Variants in TAFA1 observed in about 807,000 individuals in gnomAD.
TAFA1 encodes chemokine-like protein TAFA-1.
In TAFA1, 4 loss-of-function variants were observed where a neutral mutation model predicts 18.5. The ratio of observed to expected loss-of-function variants is 0.22; its 90% CI spans 0.11 to 0.49. The LOEUF (loss-of-function observed/expected upper bound fraction) is 0.49. Ranked by LOEUF, TAFA1 falls within the 20% of genes least tolerant of loss-of-function variation. The probability of loss-of-function intolerance (pLI) is 0.98; values close to 1 mark genes in which losing one functional copy is unlikely to be tolerated. For synonymous variants in TAFA1, 56 were observed against 55.2 expected (o/e 1.01, Z -0.06); for missense variants, 147 against 169.0 (o/e 0.87, Z 0.72).
At chr3:68,196,493 G>A (rs1389028947) in intron 2 of TAFA1, among the ~76,000 whole-genome samples, 1 of 151,684 alleles carries the variant, frequency 6.6e-6, no homozygotes, top group African/African-American at 2.4e-5. Context: ...TCTTTTAGTT[G>A]AGGAAATGCA....
intron 2 of TAFA1, among the ~76,000 whole-genome samples, chr3:68,151,150 C>G (rs1029800192): frequency 1.1e-4 from 16 of 152,124 alleles, no homozygotes; most frequent in African/African-American, 3.9e-4. Context: ...TCCCTCTACA[C>G]CTTTCACCAT....
At chr3:68,244,698 A>G (rs938490892) in intron 2 of TAFA1, among the ~76,000 whole-genome samples, 1 of 152,176 alleles carries the variant, frequency 6.6e-6, no homozygotes, top group African/African-American at 2.4e-5. Context: ...TTAAAGGTAC[A>G]TAGTCCTTAA....
chr3:68,209,245 A>T (rs1303960434), intron 2 of TAFA1, among the ~76,000 whole-genome samples: 1 of 151,994 alleles, frequency 6.6e-6, no homozygotes, highest in Non-Finnish European at 1.5e-5. Context: ...CCCAGCTAAA[A>T]CATGCCAGCC....
chr3:68,333,729 T>C (rs996649696), intron 2 of TAFA1, among the ~76,000 whole-genome samples: 1 of 152,202 alleles, frequency 6.6e-6, no homozygotes, highest in African/African-American at 2.4e-5. Flanking sequence ...TGCACTCCCA[T>C]GTTCATTGCA....
intron 2 of TAFA1, among the ~76,000 whole-genome samples, chr3:68,096,067 C>G (rs1011801793): frequency 2.0e-5 from 3 of 152,064 alleles, no homozygotes; most frequent in Admixed American, 1.3e-4. Flanking sequence ...CATTCTCCCC[C>G]TCCCACTCAC....
chr3:68,187,406 G>A (rs7642888), intron 2 of TAFA1, among the ~76,000 whole-genome samples: 152,145 of 152,166 alleles, frequency 1, 76,062 homozygotes, highest in Middle Eastern at 1. Context: ...GTATGATTCT[G>A]TTTAACTCTA....
At chr3:68,324,001 A>C (rs2068735154) in intron 2 of TAFA1, among the ~76,000 whole-genome samples, 1 of 152,068 alleles carries the variant, frequency 6.6e-6, no homozygotes, top group Admixed American at 6.6e-5. Context: ...GTAAATACCA[A>C]CTTTCCCACT....
chr3:68,139,821 G>A (rs942099079), intron 2 of TAFA1, among the ~76,000 whole-genome samples: 1 of 152,158 alleles, frequency 6.6e-6, no homozygotes, highest in Admixed American at 6.6e-5. Flanking sequence ...TGTCAATGTG[G>A]GAAACTGAGA....
intron 2 of TAFA1, among the ~76,000 whole-genome samples, chr3:68,197,760 C>T (rs751816754): frequency 6.6e-6 from 1 of 151,672 alleles, no homozygotes. Flanking sequence ...TCTGATGATA[C>T]ACTTAGTTGC....
chr3:68,305,407 GAC>G (rs1559608788), intron 2 of TAFA1, among the ~76,000 whole-genome samples: 1 of 36,658 alleles, frequency 2.7e-5, no homozygotes, highest in Non-Finnish European at 5.2e-5. Context: ...ATGACTATAT[GAC>G]TATATATATA....
chr3:68,301,926 GTTTA>G (rs2068308760), intron 2 of TAFA1, among the ~76,000 whole-genome samples: 1 of 152,104 alleles, frequency 6.6e-6, no homozygotes, highest in African/African-American at 2.4e-5. Flanking sequence ...TATGTTCTTA[GTTTA>G]TTTATATTTG....
intron 2 of TAFA1, among the ~76,000 whole-genome samples, chr3:68,152,301 A>T (rs1449192632): frequency 1.3e-5 from 2 of 152,120 alleles, no homozygotes; most frequent in East Asian, 3.9e-4. Flanking sequence ...TTGGGTGCAG[A>T]GCTCAGGAAT....
At chr3:68,059,873 C>T (rs531528479) in intron 2 of TAFA1, among the ~76,000 whole-genome samples, 16 of 152,216 alleles carry the variant, frequency 1.1e-4, no homozygotes, top group East Asian at 3.9e-4. Context: ...TAGAAGAGCA[C>T]CTAAGCCTAA....
At chr3:68,510,525 C>T (rs1044258309) in intron 3 of TAFA1, among the ~76,000 whole-genome samples, 3 of 152,130 alleles carry the variant, frequency 2.0e-5, no homozygotes, top group African/African-American at 7.2e-5. Context: ...TACAGTATCA[C>T]ATTTCCCAGT....
intron 2 of TAFA1, among the ~76,000 whole-genome samples, chr3:68,217,252 A>G (rs1455940069): frequency 6.6e-6 from 1 of 151,406 alleles, no homozygotes; most frequent in Admixed American, 6.6e-5. Context: ...AATATTATCT[A>G]CCCTTGATAT....
At chr3:68,292,046 G>A (rs145142130) in intron 2 of TAFA1, among the ~76,000 whole-genome samples, 13 of 152,182 alleles carry the variant, frequency 8.5e-5, no homozygotes, top group African/African-American at 3.1e-4. Flanking sequence ...TTTCACTCAT[G>A]TCGTTTACTC....
chr3:68,018,512 G>A lies in TAFA1; in HGVS notation c.118+11768G>A, dbSNP rs533767022. 3.3e-5 allele frequency among the ~76,000 whole-genome samples: 5 copies of A among 152,134 alleles called. 2 individuals carry two copies. Among genetic ancestry groups the A allele is most frequent in the African/African-American group, 1.2e-4 (5 of 41,514 alleles). ...CAAATGGTTTATTGCACCTCCTAGG[G>A]GCGGAGGACTACAGTTACCCAGTAG... On this transcript the variant is annotated intron_variant, in intron 2 of 4. Transcript: ENST00000478136.
intron 2 of TAFA1, among the ~76,000 whole-genome samples, chr3:68,194,667 T>C (rs2066389432): frequency 1.3e-5 from 2 of 151,714 alleles, no homozygotes; most frequent in Admixed American, 1.3e-4. Flanking sequence ...CCATTTCTGT[T>C]GTTGTAGGCC....
At chr3:68,081,708 C>G (rs1201553016) in intron 2 of TAFA1, among the ~76,000 whole-genome samples, 4 of 152,168 alleles carry the variant, frequency 2.6e-5, no homozygotes, top group African/African-American at 9.7e-5. Flanking sequence ...AACCACTGCT[C>G]TCGTCAAAGC....
Sources: allele counts gnomAD v4.1 joint callset (sites outside exome capture counted in the v4.1 genomes callset), GRCh38; gene constraint gnomAD v4.1.1; transcripts MANE v1.5; gene names NCBI Gene and HGNC (gene_info 2026-07-23, HGNC 2026-07-21).